KCNIP4: variants seen among roughly 807,000 people sequenced by gnomAD.
KCNIP4 encodes the protein potassium voltage-gated channel interacting protein 4, also known as Kv channel-interacting protein 4.
In KCNIP4, 12 loss-of-function variants were observed where a neutral mutation model predicts 34.0. The ratio of observed to expected loss-of-function variants is 0.35; its 90% CI spans 0.23 to 0.57. The LOEUF is 0.57. Ranked by LOEUF, KCNIP4 falls within the 20% of genes least tolerant of loss-of-function variation. The pLI, the probability that KCNIP4 is intolerant of heterozygous loss-of-function variation, is 0.83. For missense variants in KCNIP4, 238 were observed against 311.7 expected (o/e 0.76, Z 1.78); for synonymous variants, 124 against 102.2 (o/e 1.21, Z -1.29).
chr4:20,895,976 T>C (rs919438016), intron 1 of KCNIP4, among the ~76,000 whole-genome samples: 1 of 152,200 alleles, frequency 6.6e-6, no homozygotes, highest in East Asian at 1.9e-4. Context: ...GAGTTGGAGC[T>C]TTTTAGCTCA....
chr4:21,886,039 C>T (rs1220064666), intron 1 of KCNIP4, among the ~76,000 whole-genome samples: 1 of 151,976 alleles, frequency 6.6e-6, no homozygotes, highest in Admixed American at 6.6e-5. Flanking sequence ...ATTATTTTTT[C>T]TTACTATTAT....
intron 1 of KCNIP4, among the ~76,000 whole-genome samples, chr4:21,454,051 C>T (rs187738578): frequency 2.6e-5 from 4 of 152,196 alleles, no homozygotes; most frequent in East Asian, 3.9e-4. Flanking sequence ...ACATTAACTA[C>T]TGTTGTTGTT....
chr4:20,916,441 C>T (rs941047662), intron 1 of KCNIP4: 1 of 681,652 alleles, frequency 1.5e-6, no homozygotes, highest in African/African-American at 2.0e-5. Context: ...TGTGTGGTTT[C>T]TGTGTGCAAT....
At chr4:21,076,647 C>G (rs1745510935) in intron 1 of KCNIP4, among the ~76,000 whole-genome samples, 1 of 152,130 alleles carries the variant, frequency 6.6e-6, no homozygotes, top group African/African-American at 2.4e-5. Flanking sequence ...AAATGGCCAA[C>G]AATTCGTATG....
intron 1 of KCNIP4, among the ~76,000 whole-genome samples, chr4:21,422,634 G>A (rs1725575882): frequency 6.6e-6 from 1 of 150,580 alleles, no homozygotes; most frequent in Admixed American, 6.7e-5. Context: ...GAAGTAGTTG[G>A]GGGAAACATC....
At chr4:21,494,271 G>C (rs2109868716) in intron 1 of KCNIP4, among the ~76,000 whole-genome samples, 1 of 151,964 alleles carries the variant, frequency 6.6e-6, no homozygotes, top group East Asian at 1.9e-4. Context: ...ATAAATCCAA[G>C]ATAATTAACT....
intron 1 of KCNIP4, among the ~76,000 whole-genome samples, chr4:21,788,978 C>A (rs1720091226): frequency 6.9e-6 from 1 of 145,664 alleles, no homozygotes; most frequent in African/African-American, 2.5e-5. Context: ...GAGGCTGAGG[C>A]AGAAGGATTG....
intron 1 of KCNIP4, among the ~76,000 whole-genome samples, chr4:21,921,320 C>G (rs9998045): frequency 0.64 from 96,357 of 151,390 alleles, 31,128 homozygotes; most frequent in East Asian, 0.9. Flanking sequence ...GAAGTCCCAA[C>G]ACGTATGCCT....
intron 7 of KCNIP4, 89 bp from the exon 8 acceptor site, chr4:20,732,157 A>G: frequency 1.2e-6 from 1 of 861,604 alleles, no homozygotes; most frequent in Middle Eastern, 2.3e-4. Flanking sequence ...GATAAAAAGA[A>G]AACCTAGCTG....
chr4:21,140,755 C>G (rs531712806), intron 1 of KCNIP4, among the ~76,000 whole-genome samples: 4 of 152,238 alleles, frequency 2.6e-5, no homozygotes, highest in African/African-American at 7.2e-5. Flanking sequence ...CTAGTCCCTG[C>G]CCCCTCCTTT....
chr4:21,884,251 A>G (rs189073913), intron 1 of KCNIP4, among the ~76,000 whole-genome samples: 96 of 152,238 alleles, frequency 6.3e-4, no homozygotes, highest in Non-Finnish European at 1.1e-3. Flanking sequence ...ACTATGCAAC[A>G]TAACACTTCA....
intron 4 of KCNIP4, among the ~76,000 whole-genome samples, chr4:20,755,461 T>C (rs1201352408): frequency 6.6e-6 from 1 of 152,198 alleles, no homozygotes; most frequent in Non-Finnish European, 1.5e-5. Context: ...CATTCATTCA[T>C]TCATGCAAAA....
At chr4:20,886,790 G>A (rs1225347498) in intron 1 of KCNIP4, among the ~76,000 whole-genome samples, 1 of 152,170 alleles carries the variant, frequency 6.6e-6, no homozygotes, top group East Asian at 1.9e-4. Flanking sequence ...ACCAAAAAGA[G>A]CTGCTGAACT....
chr4:21,647,064 A>G (rs1747074193), intron 1 of KCNIP4, among the ~76,000 whole-genome samples: 1 of 152,136 alleles, frequency 6.6e-6, no homozygotes. Context: ...GTGCTCCAGA[A>G]TCCTAAAGTA....
At chr4:21,900,278 C>T (rs1360568435) in intron 1 of KCNIP4, among the ~76,000 whole-genome samples, 11 of 152,062 alleles carry the variant, frequency 7.2e-5, no homozygotes, top group East Asian at 5.8e-4. Context: ...TTAGAAAATT[C>T]GGAGGCACTT....
At chr4:21,750,418 T>C (rs750936870) in intron 1 of KCNIP4, among the ~76,000 whole-genome samples, 10 of 152,130 alleles carry the variant, frequency 6.6e-5, no homozygotes, top group Non-Finnish European at 1.5e-4. Context: ...TCCACGAAAC[T>C]GGAGTGACAC....
At chr4:21,659,457 C>A (rs1748256869) in intron 1 of KCNIP4, among the ~76,000 whole-genome samples, 1 of 151,990 alleles carries the variant, frequency 6.6e-6, no homozygotes, top group Admixed American at 6.6e-5. Flanking sequence ...ACTAGTTTTT[C>A]AATAAAATAA....
rs1031027734 is a variant in KCNIP4 at position 21,902,867 on chromosome 4, G to A, written c.61+45704C>T. Among the ~76,000 whole-genome samples the A allele has an allele frequency of 5.9e-5, 9 of 152,152 alleles. No homozygotes were observed. The South Asian group carries it at 6.2e-4, about 11-fold the overall frequency. ...CAATCAGTACATATAGGAAGCCACC[G>A]TATTTTCTCTCGAAAGAGAGGGACC... On this transcript the variant is annotated intron_variant, in intron 1 of 8. Transcript: ENST00000382152.
intron 1 of KCNIP4, among the ~76,000 whole-genome samples, chr4:21,265,305 G>T (rs1761729500): frequency 6.6e-6 from 1 of 152,096 alleles, no homozygotes; most frequent in Admixed American, 6.6e-5. Flanking sequence ...GGAGTGATGA[G>T]ATATTAGGTT....
Sources: allele counts gnomAD v4.1 joint callset (sites outside exome capture counted in the v4.1 genomes callset), GRCh38; gene constraint gnomAD v4.1.1; transcripts MANE v1.5; gene names NCBI Gene and HGNC (gene_info 2026-07-23, HGNC 2026-07-21).